The following SPATA16 variants were observed in gnomAD, a reference collection of about 807,000 sequenced individuals.
SPATA16 encodes spermatogenesis-associated protein 16.
A neutral mutation model predicts 63.3 loss-of-function variants in SPATA16; 36 were observed. That is an observed-to-expected ratio of 0.57 (90% CI 0.44 to 0.75). SPATA16 has a LOEUF of 0.75. Ranked by LOEUF, SPATA16 falls within the 30% of genes least tolerant of loss-of-function variation. The pLI is 0.00. For missense variants in SPATA16, 646 were observed against 679.3 expected, an observed-to-expected ratio of 0.95 and a Z score of 0.54; for synonymous variants, 203 against 216.7, an observed-to-expected ratio of 0.94 and a Z score of 0.56.
intron 2 of SPATA16, among the ~76,000 whole-genome samples, chr3:173,059,397 T>C (rs1736322975): frequency 6.6e-6 from 1 of 151,764 alleles, no homozygotes; most frequent in Non-Finnish European, 1.5e-5. Flanking sequence ...TGCTAATGTC[T>C]TTAGTTGAAT....
intron 3 of SPATA16, among the ~76,000 whole-genome samples, chr3:173,020,604 CCTT>C (rs1208481174): frequency 2.6e-5 from 4 of 152,176 alleles, no homozygotes; most frequent in African/African-American, 9.6e-5. Flanking sequence ...TCCCTAGCTG[CCTT>C]CTTCTCCTAG....
chr3:172,925,257 A>C, intron 7 of SPATA16, 89 bp downstream of exon 7: 1 of 1,388,904 alleles, frequency 7.2e-7, no homozygotes. Flanking sequence ...GAAGATTAGA[A>C]GGAGTTAATT....
intron 3 of SPATA16, among the ~76,000 whole-genome samples, chr3:173,031,944 T>C (rs936982803): frequency 4.6e-5 from 7 of 152,064 alleles, no homozygotes; most frequent in African/African-American, 1.4e-4. Context: ...ATAAAGGCAT[T>C]GGATTTTGAA....
At chr3:172,994,618 T>A (rs1037260150) in intron 4 of SPATA16, among the ~76,000 whole-genome samples, 13 of 152,140 alleles carry the variant, frequency 8.5e-5, no homozygotes, top group African/African-American at 3.1e-4. Context: ...AAGATAATTT[T>A]TAATTTTTTC....
intron 6 of SPATA16, among the ~76,000 whole-genome samples, chr3:172,930,313 G>C (rs1434599269): frequency 6.6e-6 from 1 of 152,112 alleles, no homozygotes; most frequent in Non-Finnish European, 1.5e-5. Flanking sequence ...TCACAATCTA[G>C]CCATGATTCT....
intron 6 of SPATA16, among the ~76,000 whole-genome samples, chr3:172,955,437 C>G (rs115306702): frequency 0.02 from 3,041 of 152,094 alleles, 106 homozygotes; most frequent in African/African-American, 0.07. Flanking sequence ...TAACAATTAA[C>G]AAAAAATATG....
intron 4 of SPATA16, among the ~76,000 whole-genome samples, chr3:172,990,420 G>A (rs1160468076): frequency 6.6e-6 from 1 of 152,122 alleles, no homozygotes; most frequent in East Asian, 1.9e-4. Context: ...TAAACATTTT[G>A]AGATATATTC....
At chr3:172,980,253 G>A (rs571581997) in intron 4 of SPATA16, among the ~76,000 whole-genome samples, 54 of 152,310 alleles carry the variant, frequency 3.5e-4, no homozygotes, top group Middle Eastern at 3.4e-3. Flanking sequence ...CATCCATAAG[G>A]AGTCAAGTAC....
intron 3 of SPATA16, among the ~76,000 whole-genome samples, chr3:173,048,036 A>G (rs1478673980): frequency 6.6e-6 from 1 of 152,112 alleles, no homozygotes; most frequent in Admixed American, 6.6e-5. Context: ...TAAATCTCCC[A>G]TTTACAAATG....
At chr3:173,051,404 G>A (rs377129100) in intron 2 of SPATA16, among the ~76,000 whole-genome samples, 38 of 152,104 alleles carry the variant, frequency 2.5e-4, no homozygotes, top group South Asian at 6.2e-4. Flanking sequence ...GGGTTTCACC[G>A]TGTTAGCCAG....
At position 172,956,739 on chromosome 3, in the gene SPATA16, A is replaced by G; in HGVS notation, c.1019T>C (p.Ile340Thr). ...TGTGAAAGCATCTTTTACTTTTTCT[A>G]TTTTATCAGCTCTTATTTTTGTCGC... Reference protein sequence around the residue: ...PFATKIRADKIEKVKDAFTKT... With the variant: ...PFATKIRADKTEKVKDAFTKT... The change falls in exon 6 of 11, where the codon ATA becomes ACA. Residue 340 changes from isoleucine to threonine, a missense_variant. Coordinates refer to ENST00000351008, the MANE Select transcript of SPATA16 (RefSeq NM_031955.6). 6.2e-7 allele frequency: 1 copy of G among 1,613,194 alleles called. No individual in the cohort carries two copies. Among genetic ancestry groups the G allele is most frequent in the Non-Finnish European group, 8.5e-7 (1 of 1,179,502 alleles).
chr3:173,023,137 A>ATGTGTTTGTGTGTGTG (rs1553794209), intron 3 of SPATA16, among the ~76,000 whole-genome samples: 176 of 139,954 alleles, frequency 1.3e-3, no homozygotes, highest in African/African-American at 3.9e-3. Flanking sequence ...ATGCTTGTGT[A>ATGTGTTTGTGTGTGTG]TGTGTGTGTG....
At chr3:172,899,683 G>T (rs902564107) in intron 10 of SPATA16, among the ~76,000 whole-genome samples, 1 of 151,738 alleles carries the variant, frequency 6.6e-6, no homozygotes, top group African/African-American at 2.4e-5. Flanking sequence ...ATTTTCTTTG[G>T]TTGTTGCTTG....
intron 2 of SPATA16, among the ~76,000 whole-genome samples, chr3:173,062,728 A>G (rs912964176): frequency 6.6e-6 from 1 of 152,176 alleles, no homozygotes; most frequent in Non-Finnish European, 1.5e-5. Flanking sequence ...AGTGGTTCCC[A>G]ATGTTTTTGG....
At chr3:172,968,651 C>G (rs1447795089) in intron 5 of SPATA16, among the ~76,000 whole-genome samples, 2 of 152,188 alleles carry the variant, frequency 1.3e-5, no homozygotes, top group Non-Finnish European at 2.9e-5. Flanking sequence ...GCAGCACTCA[C>G]AGAACATCAA....
intron 5 of SPATA16, among the ~76,000 whole-genome samples, chr3:172,976,195 GA>G (rs1158436617): frequency 1.3e-5 from 2 of 152,124 alleles, no homozygotes; most frequent in South Asian, 2.1e-4. Context: ...GGACTCATCA[GA>G]AACAATGGGA....
At chr3:173,034,212 A>G (rs16846438) in intron 3 of SPATA16, among the ~76,000 whole-genome samples, 15,695 of 152,154 alleles carry the variant, frequency 0.1, 2,309 homozygotes, top group African/African-American at 0.33. Context: ...TATGGAAATA[A>G]GTGTTTGTCT....
chr3:172,924,957 A>T (rs1732694268), intron 7 of SPATA16, among the ~76,000 whole-genome samples: 1 of 152,252 alleles, frequency 6.6e-6, no homozygotes, highest in Non-Finnish European at 1.5e-5. Context: ...AGCGGGGAAG[A>T]GACATTAATA....
At chr3:173,135,401 A>T (rs1307503842) in intron 1 of SPATA16, among the ~76,000 whole-genome samples, 1 of 152,218 alleles carries the variant, frequency 6.6e-6, no homozygotes, top group South Asian at 2.1e-4. Context: ...GCTGTTTGGC[A>T]GCATCTGCTT....
Sources: gnomAD v4.1 joint callset for allele counts (sites outside exome capture counted in the v4.1 genomes callset) on GRCh38, gnomAD v4.1.1 for gene constraint, MANE v1.5 for transcripts, NCBI Gene and HGNC (gene_info 2026-07-23, HGNC 2026-07-21) for gene names.